WWOX: variants seen among roughly 807,000 people sequenced by gnomAD.
WWOX encodes the protein WW domain-containing oxidoreductase.
WWOX carries 69 observed loss-of-function variants against 46.2 expected under a neutral mutation model. The ratio of observed to expected loss-of-function variants is 1.49; its 90% CI spans 1.23 to 1.82. WWOX has a LOEUF of 1.82. Ranked by LOEUF, WWOX falls within the 40% of genes most tolerant of loss-of-function variation. WWOX has a pLI of 0.00. For synonymous variants in WWOX, 359 were observed against 202.6 expected (o/e 1.77, Z -6.56); for missense variants, 919 against 542.6 (o/e 1.69, Z -6.89).
intron 8 of WWOX, among the ~76,000 whole-genome samples, chr16:78,600,414 C>G (rs1276579553): frequency 1.3e-5 from 2 of 152,146 alleles, no homozygotes; most frequent in African/African-American, 2.4e-5. Flanking sequence ...TGGGTTGTTT[C>G]CAACAGAATC....
At chr16:78,469,556 C>T (rs1485232111) in intron 8 of WWOX, among the ~76,000 whole-genome samples, 1 of 152,060 alleles carries the variant, frequency 6.6e-6, no homozygotes, top group East Asian at 1.9e-4. Flanking sequence ...ATGGGGTGTG[C>T]AGAAGGGCTT....
At chr16:78,393,989 A>G (rs1488436198) in intron 6 of WWOX, among the ~76,000 whole-genome samples, 2 of 152,192 alleles carry the variant, frequency 1.3e-5, no homozygotes, top group African/African-American at 4.8e-5. Context: ...CTAATCCCAG[A>G]TATAATATTC....
chr16:78,136,347 A>G (rs745383644), intron 4 of WWOX, among the ~76,000 whole-genome samples: 1 of 152,216 alleles, frequency 6.6e-6, no homozygotes, highest in African/African-American at 2.4e-5. Flanking sequence ...TGTAATATAC[A>G]TTCAGATTCA....
intron 5 of WWOX, among the ~76,000 whole-genome samples, chr16:78,316,401 C>T (rs1041112006): frequency 2.0e-5 from 3 of 152,036 alleles, no homozygotes; most frequent in Non-Finnish European, 4.4e-5. Flanking sequence ...GGTGCAATGG[C>T]GTGATCTTGG....
chr16:79,028,953 C>T (rs962191973), intron 8 of WWOX, among the ~76,000 whole-genome samples: 1 of 151,736 alleles, frequency 6.6e-6, no homozygotes, highest in African/African-American at 2.4e-5. Flanking sequence ...GAGAAAAGAG[C>T]ATATCTAGTA....
chr16:78,980,862 C>G (rs2014980), intron 8 of WWOX, among the ~76,000 whole-genome samples: 77,716 of 151,998 alleles, frequency 0.51, 20,946 homozygotes, highest in East Asian at 0.72. Context: ...GTTCTGTAAT[C>G]CTGTAGGACT....
chr16:78,143,884 A>C (rs1159785159), intron 4 of WWOX, among the ~76,000 whole-genome samples: 1 of 151,714 alleles, frequency 6.6e-6, no homozygotes, highest in African/African-American at 2.4e-5. Context: ...TAACCAGCTC[A>C]CTTCACGTTT....
chr16:79,006,692 G>C (rs1183252883), intron 8 of WWOX, among the ~76,000 whole-genome samples: 1 of 152,146 alleles, frequency 6.6e-6, no homozygotes, highest in South Asian at 2.1e-4. Flanking sequence ...TGTAGGTGGG[G>C]CTGGGCTTTT....
At chr16:78,778,837 C>T (rs1345141624) in intron 8 of WWOX, among the ~76,000 whole-genome samples, 1 of 152,140 alleles carries the variant, frequency 6.6e-6, no homozygotes, top group Non-Finnish European at 1.5e-5. Flanking sequence ...CTCGTAAAGC[C>T]CCGGCGTCTC....
chr16:79,060,672 G>A (rs1046623789), intron 8 of WWOX, among the ~76,000 whole-genome samples: 2 of 152,216 alleles, frequency 1.3e-5, no homozygotes, highest in Non-Finnish European at 2.9e-5. Context: ...ACCCAATTAC[G>A]AGCGGAGCTA....
intron 8 of WWOX, among the ~76,000 whole-genome samples, chr16:78,754,471 A>G (rs185177194): frequency 2.0e-5 from 3 of 152,190 alleles, no homozygotes; most frequent in African/African-American, 7.2e-5. Flanking sequence ...TTCTCTTAGT[A>G]CCTACCGCTT....
intron 5 of WWOX, among the ~76,000 whole-genome samples, chr16:78,223,632 A>T (rs1390995791): frequency 6.6e-6 from 1 of 152,136 alleles, no homozygotes; most frequent in African/African-American, 2.4e-5. Flanking sequence ...GAGTCTTGGG[A>T]AGCAAGAGGA....
chr16:78,669,057 G>A (rs1187530680), intron 8 of WWOX, among the ~76,000 whole-genome samples: 2 of 152,166 alleles, frequency 1.3e-5, no homozygotes, highest in Non-Finnish European at 2.9e-5. Context: ...CCTCCAGGAA[G>A]GCCCTTCCAC....
intron 8 of WWOX, among the ~76,000 whole-genome samples, chr16:79,116,861 C>T (rs2049526457): frequency 6.6e-6 from 1 of 152,086 alleles, no homozygotes; most frequent in East Asian, 1.9e-4. Context: ...AATACAGTAT[C>T]TGTGGCACCT....
chr16:78,882,580 G>A (rs2044365572), intron 8 of WWOX, among the ~76,000 whole-genome samples: 1 of 151,280 alleles, frequency 6.6e-6, no homozygotes, highest in Non-Finnish European at 1.5e-5. Context: ...AGGTTCAAGT[G>A]ATCCTCTCTC....
intron 6 of WWOX, among the ~76,000 whole-genome samples, chr16:78,416,982 A>G (rs1024977439): frequency 1.3e-5 from 2 of 151,384 alleles, no homozygotes; most frequent in Non-Finnish European, 2.9e-5. Flanking sequence ...CATTTCAGGG[A>G]GCTTATGTAA....
At chr16:79,100,599 C>G (rs1413684264) in intron 8 of WWOX, among the ~76,000 whole-genome samples, 1 of 152,102 alleles carries the variant, frequency 6.6e-6, no homozygotes, top group Non-Finnish European at 1.5e-5. Context: ...CCAGCCTCAC[C>G]CGTGTCTCTT....
chr16:78,972,633 T>C lies in WWOX; in HGVS notation c.1057-238975T>C, dbSNP rs58621357. On this transcript the variant is annotated intron_variant, in intron 8 of 8. Transcript: ENST00000566780. ...GTCATAAAGTACATACCGCTGCACA[T>C]CCCACCCTCTGTTTCTGTTTCAACT... Among the ~76,000 whole-genome samples, 535 of 152,212 alleles carry C rather than the reference T, an allele frequency of 3.5e-3. 22 individuals are homozygous for C. The South Asian group carries it at 0.075, about 21-fold the overall frequency.
chr16:78,183,472 T>C (rs976771502), intron 5 of WWOX, among the ~76,000 whole-genome samples: 8 of 152,194 alleles, frequency 5.3e-5, no homozygotes, highest in African/African-American at 1.4e-4. Context: ...CGGTGGAGGT[T>C]GGAATCCTGG....
Sources: allele counts gnomAD v4.1 joint callset (sites outside exome capture counted in the v4.1 genomes callset), GRCh38; gene constraint gnomAD v4.1.1; transcripts MANE v1.5; gene names NCBI Gene and HGNC (gene_info 2026-07-23, HGNC 2026-07-21).